The following PIGF variants were observed in gnomAD, a reference collection of about 807,000 sequenced individuals.
PIGF encodes phosphatidylinositol glycan anchor biosynthesis class F.
PIGF carries 23 observed loss-of-function variants against 26.0 expected under a neutral mutation model. The observed-to-expected ratio is 0.88, with a 90% CI of 0.64 to 1.25. The LOEUF (loss-of-function observed/expected upper bound fraction) is 1.25. PIGF is among the 50% of genes most tolerant of loss of function. The pLI, the probability that PIGF is intolerant of heterozygous loss-of-function variation, is 0.00. For missense variants in PIGF, 278 were observed against 249.9 expected (o/e 1.11, Z -0.76); for synonymous variants, 93 against 92.6 (o/e 1.00, Z -0.03).
chr2:46,608,896 T>A (rs1432206207), intron 4 of PIGF, among the ~76,000 whole-genome samples: 2 of 152,196 alleles, frequency 1.3e-5, no homozygotes, highest in African/African-American at 4.8e-5. Flanking sequence ...GCAAAGTAGA[T>A]TTAGCATAAT....
intron 3 of PIGF, among the ~76,000 whole-genome samples, chr2:46,613,324 C>T (rs1670486805): frequency 1.3e-5 from 2 of 152,096 alleles, no homozygotes; most frequent in Admixed American, 6.5e-5. Context: ...TTAAGAAAAA[C>T]TCCATTCAAG....
chr2:46,585,766 G>C (rs904384252), intron 5 of PIGF, among the ~76,000 whole-genome samples: 3 of 152,022 alleles, frequency 2.0e-5, no homozygotes, highest in African/African-American at 7.2e-5. Flanking sequence ...CTTTACCCTT[G>C]CAAAGCAATC....
intron 4 of PIGF, among the ~76,000 whole-genome samples, chr2:46,607,651 C>A (rs1380429048): frequency 1.3e-5 from 2 of 151,622 alleles, no homozygotes; most frequent in African/African-American, 4.8e-5. Flanking sequence ...ATGTTGACGG[C>A]TGCTGACTGA....
chr2:46,592,310 G>A (rs962258670), intron 5 of PIGF, among the ~76,000 whole-genome samples, 165 bp downstream of exon 5: 1 of 152,194 alleles, frequency 6.6e-6, no homozygotes, highest in African/African-American at 2.4e-5. Flanking sequence ...TGTGGCACTG[G>A]ACAGTCCCCA....
chr2:46,598,795 C>G (rs781551263), intron 4 of PIGF, among the ~76,000 whole-genome samples: 24 of 152,120 alleles, frequency 1.6e-4, no homozygotes, highest in Non-Finnish European at 2.6e-4. Context: ...CTAAAAACCA[C>G]TGAATTATAC....
chr2:46,605,379 C>T (rs1308164418), intron 4 of PIGF, among the ~76,000 whole-genome samples: 2 of 151,952 alleles, frequency 1.3e-5, no homozygotes, highest in African/African-American at 4.8e-5. Context: ...AAAAACCAGC[C>T]CTCCTCCATA....
chr2:46,610,230 G>A (rs1293793910), intron 4 of PIGF, among the ~76,000 whole-genome samples: 2 of 152,038 alleles, frequency 1.3e-5, no homozygotes, highest in East Asian at 3.8e-4. Context: ...TGATTTTTAG[G>A]AACACACAGG....
chr2:46,592,556 G>A lies in PIGF; in HGVS notation c.465C>T (p.Leu155=), dbSNP rs766058415. 4.4e-6 allele frequency: 7 copies of A among 1,601,142 alleles called. No homozygotes were observed. Among genetic ancestry groups the A allele is most frequent in the Middle Eastern group, 1.7e-4 (1 of 6,058 alleles). Residue 155 remains leucine (L), a synonymous_variant, in exon 5 of 6, where the codon CTC becomes CTT. Coordinates refer to ENST00000281382, the MANE Select transcript of PIGF (RefSeq NM_002643.4). ...CAAAGCTAGAAATTGTAGTGATCTG[G>A]AGACTATTCTCCCATATGGATGTAA... is the stretch of plus-strand genomic sequence containing the variant. ...NGVTSIWENS[L]QITTISSFVG...
intron 1 of PIGF, 141 bp from the exon 2 acceptor site, chr2:46,615,326 T>A: frequency 1.8e-6 from 1 of 547,738 alleles, no homozygotes; most frequent in South Asian, 2.1e-5. Flanking sequence ...GATGCAGACG[T>A]GTAGATGCAC....
intron 1 of PIGF, chr2:46,616,674 C>G (rs1369935481): frequency 6.4e-6 from 1 of 155,540 alleles, no homozygotes; most frequent in African/African-American, 2.4e-5. Flanking sequence ...CACCCCAACC[C>G]GGGTCCCTCG....
At chr2:46,612,092 G>A (rs1223013883) in intron 4 of PIGF, 136 bp downstream of exon 4, 3 of 362,396 alleles carry the variant, frequency 8.3e-6, no homozygotes, top group African/African-American at 6.4e-5. Flanking sequence ...TAATTGCAGT[G>A]ACCCCTTAAG....
intron 5 of PIGF, chr2:46,591,404 T>G (rs968732526): frequency 2.9e-6 from 1 of 348,204 alleles, no homozygotes; most frequent in Non-Finnish European, 4.0e-6. Context: ...TCCTTAGAAT[T>G]ACTAATATTG....
At chr2:46,598,235 AGTTTTT>A (rs972376751) in intron 4 of PIGF, among the ~76,000 whole-genome samples, 13 of 151,830 alleles carry the variant, frequency 8.6e-5, no homozygotes, top group African/African-American at 1.7e-4. Flanking sequence ...AAAAAAAGTA[AGTTTTT>A]AAGTTATCTT....
intron 4 of PIGF, among the ~76,000 whole-genome samples, chr2:46,610,724 T>A (rs1251541220): frequency 6.6e-6 from 1 of 152,058 alleles, no homozygotes; most frequent in Non-Finnish European, 1.5e-5. Flanking sequence ...GAGATGGGGT[T>A]TCACCATGTT....
intron 4 of PIGF, among the ~76,000 whole-genome samples, chr2:46,603,553 A>G (rs919862373): frequency 2.0e-5 from 3 of 152,064 alleles, no homozygotes; most frequent in African/African-American, 4.8e-5. Context: ...AAGTAAATCC[A>G]TACATCTACA....
chr2:46,610,435 A>G lies in PIGF; in HGVS notation c.437+1793T>C, dbSNP rs1372796401. Reference sequence around the variant, plus strand: ...TACCATTTGGGATATTATGGTAATAATGTAGAAAATGCTTTCAGTTGTTAC... The same window carrying G: ...TACCATTTGGGATATTATGGTAATAGTGTAGAAAATGCTTTCAGTTGTTAC... On this transcript the variant is annotated intron_variant, in intron 4 of 5. Transcript: ENST00000281382. Among the ~76,000 whole-genome samples the G allele has an allele frequency of 3.3e-5, 5 of 152,106 alleles. No homozygotes were observed. The East Asian group carries it at 9.6e-4, about 29-fold the overall frequency.
In PIGF at chr2:46,581,243, C is replaced by T. The variant is rs1380061698; in HGVS notation, c.*235G>A. ...TCTATAAAGTGTATTAAGAATGTTC[C>T]TTAAAGGTTTAAGAAGCAGTAAGCA... is the stretch of plus-strand genomic sequence containing the variant. On this transcript the variant is annotated 3_prime_UTR_variant, in exon 6 of 6. Coordinates refer to ENST00000281382, the MANE Select transcript of PIGF (RefSeq NM_002643.4). 9.9e-7 allele frequency: 1 copy of T among 1,006,752 alleles called. No individual in the cohort carries two copies. Among genetic ancestry groups the T allele is most frequent in the Non-Finnish European group, 1.4e-6 (1 of 701,660 alleles). The allele number at this position is 1,006,752 out of a possible 1,614,324, so 62.4% of individuals were successfully genotyped here. A position where few individuals can be genotyped will look rare whatever the true frequency, so the allele number is the denominator to read the frequency against.
At position 46,581,378 on chromosome 2, in the gene PIGF, A is replaced by G. The variant is rs1669364512; in HGVS notation, c.*100T>C. The G allele has an allele frequency of 2.0e-6, 3 of 1,505,770 alleles. No homozygotes were observed. The highest frequency in any genetic ancestry group is 2.7e-6 in the Non-Finnish European group (3 of 1,122,836). 93.3% of individuals were successfully genotyped at this position (1,505,770 alleles called of 1,614,324 possible). The stretch of plus-strand genomic sequence containing the variant: ...CAATCACATCATGTTGTAACTACGT[A>G]AAAAACAGAGCTGTAAATGGAACTG... On this transcript the variant is annotated 3_prime_UTR_variant, in exon 6 of 6. Transcript: ENST00000281382.
intron 4 of PIGF, among the ~76,000 whole-genome samples, chr2:46,604,253 A>G (rs1328788587): frequency 1.3e-5 from 2 of 152,074 alleles, no homozygotes; most frequent in Non-Finnish European, 2.9e-5. Context: ...GAACTCTCAC[A>G]TACTGTTGGT....
Sources: gnomAD v4.1 joint callset for allele counts (sites outside exome capture counted in the v4.1 genomes callset) on GRCh38, gnomAD v4.1.1 for gene constraint, MANE v1.5 for transcripts, NCBI Gene and HGNC (gene_info 2026-07-23, HGNC 2026-07-21) for gene names.